The following DSCAML1 variants were observed in gnomAD, a reference collection of about 807,000 sequenced individuals.
The protein encoded by DSCAML1 is cell adhesion molecule DSCAML1.
Under a neutral mutation model 200.5 loss-of-function variants are expected in DSCAML1, and 38 were observed. The ratio of observed to expected loss-of-function variants is 0.19; its 90% CI spans 0.15 to 0.25. The LOEUF is 0.25. Among genes scored for constraint, DSCAML1 ranks in the 10% least tolerant of loss-of-function variants. DSCAML1 has a pLI of 1.00. For synonymous variants in DSCAML1, 1,215 were observed against 1,165.0 expected (o/e 1.04, Z -0.87); for missense variants, 2,223 against 2,858.8 (o/e 0.78, Z 5.07).
At chr11:117,511,647 A>C (rs2137291998) in intron 8 of DSCAML1, among the ~76,000 whole-genome samples, 1 of 152,200 alleles carries the variant, frequency 6.6e-6, no homozygotes. Flanking sequence ...ACAGCCTTCA[A>C]AGCACCCTCC....
chr11:117,535,395 C>T (rs896302084), intron 3 of DSCAML1, among the ~76,000 whole-genome samples: 3 of 152,178 alleles, frequency 2.0e-5, no homozygotes, highest in Non-Finnish European at 2.9e-5. Context: ...GCAGCCTGCC[C>T]GTCTTCTGGA....
intron 3 of DSCAML1, among the ~76,000 whole-genome samples, chr11:117,732,342 A>G (rs1275133843): frequency 6.6e-6 from 1 of 152,210 alleles, no homozygotes; most frequent in African/African-American, 2.4e-5. Flanking sequence ...GTGGCAGCAG[A>G]GGCACCCAGA....
At chr11:117,619,507 A>G (rs748290838) in intron 3 of DSCAML1, among the ~76,000 whole-genome samples, 9 of 152,254 alleles carry the variant, frequency 5.9e-5, no homozygotes, top group Non-Finnish European at 1.2e-4. Context: ...TTTCAGAAAA[A>G]TTAAGATTTG....
chr11:117,660,757 T>G (rs936974483), intron 3 of DSCAML1, among the ~76,000 whole-genome samples: 1 of 152,204 alleles, frequency 6.6e-6, no homozygotes, highest in Non-Finnish European at 1.5e-5. Flanking sequence ...AAAATTCTAC[T>G]AGGGGAGCTC....
intron 3 of DSCAML1, among the ~76,000 whole-genome samples, chr11:117,627,644 T>C (rs1267453880): frequency 6.6e-6 from 1 of 152,092 alleles, no homozygotes; most frequent in African/African-American, 2.4e-5. Context: ...CCTCACAGTG[T>C]CCAGGAGGGA....
At chr11:117,535,436 C>T (rs1025727390) in intron 3 of DSCAML1, among the ~76,000 whole-genome samples, 21 of 152,180 alleles carry the variant, frequency 1.4e-4, no homozygotes, top group African/African-American at 3.6e-4. Context: ...CCGCTCTGCC[C>T]GGCTCCAGCA....
Position 117,518,955 on chromosome 11 carries a change from A to G in DSCAML1, c.1214-193T>C, listed in dbSNP as rs1169467832. 6.6e-6 allele frequency among the ~76,000 whole-genome samples: 1 copy of G among 152,200 alleles called. No homozygotes were observed. The highest frequency in any genetic ancestry group is 1.5e-5 in the Non-Finnish European group (1 of 68,036). On this transcript the variant is annotated intron_variant, in intron 6 of 32. Transcript: ENST00000651296. The surrounding 1 kb of genome is among the most constrained non-coding windows in gnomAD (Gnocchi z 6.3). ...ACTGCTGTACATGGATTCAGGCTGT[A>G]GGGTTTGCATCCTCCCTCAATCACT...
chr11:117,530,568 T>G (rs771862978), intron 4 of DSCAML1, among the ~76,000 whole-genome samples: 1 of 152,164 alleles, frequency 6.6e-6, no homozygotes, highest in African/African-American at 2.4e-5. Context: ...AAATATTTAC[T>G]CGGCACCTCG....
intron 3 of DSCAML1, among the ~76,000 whole-genome samples, chr11:117,627,784 A>G (rs927320273): frequency 6.6e-6 from 1 of 152,064 alleles, no homozygotes; most frequent in Non-Finnish European, 1.5e-5. Flanking sequence ...ATGGGCATCT[A>G]GCTCAAAGCA....
At chr11:117,718,895 T>C (rs1329566871) in intron 3 of DSCAML1, among the ~76,000 whole-genome samples, 1 of 152,174 alleles carries the variant, frequency 6.6e-6, no homozygotes, top group Non-Finnish European at 1.5e-5. Flanking sequence ...GCAAATGTTT[T>C]TGGCTTTGTG....
At chr11:117,636,981 C>G (rs1303347887) in intron 3 of DSCAML1, among the ~76,000 whole-genome samples, 1 of 152,170 alleles carries the variant, frequency 6.6e-6, no homozygotes, top group Non-Finnish European at 1.5e-5. Context: ...ACACCTTACT[C>G]TATGCTGGTT....
intron 21 of DSCAML1, among the ~76,000 whole-genome samples, chr11:117,442,429 ATG>A (rs1044628419): frequency 2.7e-5 from 4 of 150,460 alleles, no homozygotes; most frequent in Non-Finnish European, 5.9e-5. Flanking sequence ...GCGTAAATGT[ATG>A]TGTGGGTCTG....
intron 14 of DSCAML1, among the ~76,000 whole-genome samples, chr11:117,476,128 C>T (rs2048786983): frequency 6.6e-6 from 1 of 152,220 alleles, no homozygotes; most frequent in Non-Finnish European, 1.5e-5. Flanking sequence ...GGCTCTCTCT[C>T]CCTTTCTTCA....
chr11:117,507,289 C>T (rs73008432), intron 8 of DSCAML1, among the ~76,000 whole-genome samples: 2,891 of 152,282 alleles, frequency 0.019, 54 homozygotes, highest in East Asian at 0.061. Context: ...AGGCACCAGC[C>T]GCACCCCTCC....
At chr11:117,570,989 G>GCTAA (rs1459087797) in intron 3 of DSCAML1, among the ~76,000 whole-genome samples, 1 of 152,262 alleles carries the variant, frequency 6.6e-6, no homozygotes, top group African/African-American at 2.4e-5. Flanking sequence ...GAGGGTAGAT[G>GCTAA]CTAAGCTTTA....
intron 3 of DSCAML1, among the ~76,000 whole-genome samples, chr11:117,532,996 T>G (rs1592704068): frequency 6.7e-6 from 1 of 149,532 alleles, no homozygotes; most frequent in African/African-American, 2.5e-5. Flanking sequence ...AACAATTAGC[T>G]GGGTTTGGTA....
At chr11:117,492,786 TG>T (rs2049212181) in intron 11 of DSCAML1, among the ~76,000 whole-genome samples, 1 of 152,146 alleles carries the variant, frequency 6.6e-6, no homozygotes, top group Non-Finnish European at 1.5e-5. Flanking sequence ...AGGCCTCCCC[TG>T]GGAAAGGCTG....
intron 3 of DSCAML1, among the ~76,000 whole-genome samples, chr11:117,623,181 T>G (rs1343552424): frequency 2.0e-5 from 3 of 152,030 alleles, no homozygotes; most frequent in Non-Finnish European, 4.4e-5. Flanking sequence ...GTGTCTAACA[T>G]GCTAAACTCT....
At chr11:117,526,857 G>A (rs957715294) in intron 4 of DSCAML1, among the ~76,000 whole-genome samples, 1 of 152,008 alleles carries the variant, frequency 6.6e-6, no homozygotes, top group South Asian at 2.1e-4. Flanking sequence ...TTAATAATAG[G>A]TCAGGCATAG....
Sources: gnomAD v4.1 joint callset for allele counts (sites outside exome capture counted in the v4.1 genomes callset) on GRCh38, gnomAD v4.1.1 for gene constraint, Gnocchi (gnomAD v3.1) non-coding constraint, MANE v1.5 for transcripts, NCBI Gene and HGNC (gene_info 2026-07-23, HGNC 2026-07-21) for gene names.